CBLB: variants seen among roughly 807,000 people sequenced by gnomAD.
The protein encoded by CBLB is E3 ubiquitin-protein ligase CBL-B.
A neutral mutation model predicts 104.9 loss-of-function variants in CBLB; 31 were observed. The ratio of observed to expected loss-of-function variants is 0.30; its 90% CI spans 0.22 to 0.40. The LOEUF is 0.40. Among genes scored for constraint, CBLB ranks in the 10% least tolerant of loss-of-function variants. CBLB has a pLI of 1.00. For synonymous variants in CBLB, 440 were observed against 422.6 expected (o/e 1.04, Z -0.51); for missense variants, 1,062 against 1,214.6 (o/e 0.87, Z 1.87).
chr3:105,777,521 G>C lies in CBLB; in HGVS notation c.420-979C>G, dbSNP rs186057144. Among the ~76,000 whole-genome samples, 3 of 152,332 alleles carry C rather than the reference G, an allele frequency of 2.0e-5. No individual in the cohort carries two copies. In the South Asian group the frequency reaches 6.2e-4, roughly 32 times the overall value. Reference sequence around the variant, plus strand: ...CGCATGCCTATAGCCCCAGTTATTAGGGAGGCTGATGTGATCTCTTGAGCC... The same window carrying C: ...CGCATGCCTATAGCCCCAGTTATTACGGAGGCTGATGTGATCTCTTGAGCC... On this transcript the variant is annotated intron_variant, in intron 3 of 18. Coordinates refer to ENST00000394030, the MANE Select transcript of CBLB (RefSeq NM_170662.5).
chr3:105,804,382 G>C (rs115100614), intron 3 of CBLB, among the ~76,000 whole-genome samples: 1 of 151,896 alleles, frequency 6.6e-6, no homozygotes, highest in Non-Finnish European at 1.5e-5. Context: ...CTGGCCAGGC[G>C]TGGTGGCAGG....
intron 18 of CBLB, among the ~76,000 whole-genome samples, chr3:105,669,484 G>A (rs2064839236): frequency 6.6e-6 from 1 of 152,144 alleles, no homozygotes; most frequent in Non-Finnish European, 1.5e-5. Flanking sequence ...AGGCAATCCA[G>A]TCTATGGTAT....
At chr3:105,745,062 G>A (rs897390037) in intron 6 of CBLB, among the ~76,000 whole-genome samples, 1 of 152,088 alleles carries the variant, frequency 6.6e-6, no homozygotes, top group Non-Finnish European at 1.5e-5. Flanking sequence ...CCCTAAAATG[G>A]AATGTTCTCT....
intron 9 of CBLB, among the ~76,000 whole-genome samples, chr3:105,720,624 A>G (rs1026304595): frequency 6.6e-6 from 1 of 152,226 alleles, no homozygotes; most frequent in African/African-American, 2.4e-5. Flanking sequence ...TACTAACCAA[A>G]CATTCCATAA....
chr3:105,703,551 T>C (rs1157717783), intron 11 of CBLB, among the ~76,000 whole-genome samples: 1 of 152,102 alleles, frequency 6.6e-6, no homozygotes, highest in Non-Finnish European at 1.5e-5. Flanking sequence ...TATAATTCCC[T>C]CTTCTGAGTC....
intron 2 of CBLB, among the ~76,000 whole-genome samples, chr3:105,859,714 AAG>A (rs1249707097): frequency 6.6e-6 from 1 of 151,558 alleles, no homozygotes; most frequent in African/African-American, 2.4e-5. Flanking sequence ...TAAATGTTAG[AAG>A]AGGTTTCTTA....
intron 2 of CBLB, among the ~76,000 whole-genome samples, chr3:105,862,709 AAATT>A (rs2153149271): frequency 6.6e-6 from 1 of 152,278 alleles, no homozygotes; most frequent in East Asian, 1.9e-4. Flanking sequence ...TCTACCAAAT[AAATT>A]AAGACAAAAT....
In CBLB at chr3:105,688,529, G is replaced by C. The variant is rs544520060; in HGVS notation, c.2055-3063C>G. On this transcript the variant is annotated intron_variant, in intron 13 of 18. Transcript: ENST00000394030. ...TAGTAAGCTTGTTTTCTACATATAA[G>C]AATCTATCTTCCTTTAATAGTATCT... 1.4e-4 allele frequency among the ~76,000 whole-genome samples: 22 copies of C among 152,074 alleles called. No homozygotes were observed. The South Asian group carries it at 4.6e-3, about 32-fold the overall frequency.
chr3:105,710,144 G>A (rs2070850975), intron 10 of CBLB, among the ~76,000 whole-genome samples: 1 of 151,730 alleles, frequency 6.6e-6, no homozygotes, highest in Non-Finnish European at 1.5e-5. Context: ...TGTTATAATT[G>A]CTGTCACTAT....
chr3:105,744,713 C>T (rs565148186), intron 6 of CBLB, among the ~76,000 whole-genome samples: 6 of 152,078 alleles, frequency 3.9e-5, no homozygotes, highest in East Asian at 1.9e-4. Context: ...GGGCAGATCA[C>T]GAGGTCAGGA....
chr3:105,707,324 G>A (rs548983953), intron 10 of CBLB, among the ~76,000 whole-genome samples: 54 of 152,268 alleles, frequency 3.5e-4, no homozygotes, highest in Admixed American at 1.3e-3. Context: ...AAGCTACACA[G>A]TATCTGTAAG....
At chr3:105,758,284 G>C (rs2077261172) in intron 4 of CBLB, among the ~76,000 whole-genome samples, 1 of 152,126 alleles carries the variant, frequency 6.6e-6, no homozygotes, top group South Asian at 2.1e-4. Flanking sequence ...GGCAACCATA[G>C]TTACCAAGGA....
chr3:105,689,062 C>T (rs930244266), intron 13 of CBLB, among the ~76,000 whole-genome samples: 1 of 151,856 alleles, frequency 6.6e-6, no homozygotes, highest in Non-Finnish European at 1.5e-5. Context: ...AAGTATAAAC[C>T]TCTCTATCAT....
chr3:105,655,637 G>A lies in CBLB; in HGVS notation c.*3333C>T, dbSNP rs568005847. 2.8e-4 allele frequency: 53 copies of A among 191,948 alleles called. No individual in the cohort carries two copies. The highest frequency in any genetic ancestry group is 2.6e-3 in the Admixed American group (43 of 16,332). The allele number at this position is 191,948 out of a possible 1,614,324, so 11.9% of individuals were successfully genotyped here. Reference sequence around the variant, plus strand: ...TTTAAAAAACAATAAAATAGTAATTGGGGAAAAAACCCTTCACTCTATTGG... The same window carrying A: ...TTTAAAAAACAATAAAATAGTAATTAGGGAAAAAACCCTTCACTCTATTGG... On this transcript the variant is annotated 3_prime_UTR_variant, in exon 19 of 19. Transcript: ENST00000394030.
At chr3:105,868,649 C>T (rs1706584450) in intron 1 of CBLB, 87 bp downstream of exon 1, 1 of 901,452 alleles carries the variant, frequency 1.1e-6, no homozygotes, top group South Asian at 5.2e-5. Context: ...GCTGTCCCCT[C>T]TTCCTCCTTG....
intron 3 of CBLB, among the ~76,000 whole-genome samples, chr3:105,793,112 T>C (rs147381158): frequency 6.6e-6 from 1 of 152,214 alleles, no homozygotes; most frequent in East Asian, 1.9e-4. Context: ...ACTTATTTTG[T>C]CCTGAGAACC....
chr3:105,791,151 C>T (rs560866077), intron 3 of CBLB, among the ~76,000 whole-genome samples: 2 of 152,154 alleles, frequency 1.3e-5, no homozygotes, highest in Admixed American at 6.5e-5. Flanking sequence ...CGTTTCTTCC[C>T]TGTATCCTTA....
chr3:105,843,004 C>T (rs1300198110), intron 3 of CBLB, among the ~76,000 whole-genome samples: 1 of 152,188 alleles, frequency 6.6e-6, no homozygotes, highest in African/African-American at 2.4e-5. Flanking sequence ...ACCCAATGGT[C>T]AAATTTGGTC....
At position 105,683,353 on chromosome 3, in the gene CBLB, C is replaced by G. The variant is rs189294475; in HGVS notation, c.2202-1535G>C. Reference sequence around the variant, plus strand: ...TACTTCATCCATCAGCTTTCAAGAACAAATTAGATAAAGAATTCACTCCAA... The same window carrying G: ...TACTTCATCCATCAGCTTTCAAGAAGAAATTAGATAAAGAATTCACTCCAA... On this transcript the variant is annotated intron_variant, in intron 14 of 18. Coordinates refer to ENST00000394030, the MANE Select transcript of CBLB (RefSeq NM_170662.5). 8.8e-4 allele frequency among the ~76,000 whole-genome samples: 134 copies of G among 152,242 alleles called. 1 individual carries two copies. The highest frequency in any genetic ancestry group is 3.1e-3 in the African/African-American group (130 of 41,544).
Sources: allele counts gnomAD v4.1 joint callset (sites outside exome capture counted in the v4.1 genomes callset), GRCh38; gene constraint gnomAD v4.1.1; transcripts MANE v1.5; gene names NCBI Gene and HGNC (gene_info 2026-07-23, HGNC 2026-07-21).